EYS: variants seen among roughly 807,000 people sequenced by gnomAD.
EYS encodes EGF-like photoreceptor maintenance factor.
EYS carries 250 observed loss-of-function variants against 282.1 expected under a neutral mutation model. The ratio of observed to expected loss-of-function variants is 0.89; its 90% CI spans 0.80 to 0.98. The LOEUF (loss-of-function observed/expected upper bound fraction) is 0.98. Among genes scored for constraint, EYS ranks in the 50% least tolerant of loss-of-function variants. EYS has a pLI of 0.00. For missense variants in EYS, 4,016 were observed against 3,709.0 expected (o/e 1.08, Z -2.15); for synonymous variants, 1,355 against 1,282.9 (o/e 1.06, Z -1.20).
intron 33 of EYS, among the ~76,000 whole-genome samples, chr6:64,013,512 G>A (rs546212792): frequency 3.9e-5 from 6 of 152,286 alleles, no homozygotes; most frequent in African/African-American, 1.4e-4. Flanking sequence ...TGGGATGCTG[G>A]AGGAGCCTGG....
intron 21 of EYS, among the ~76,000 whole-genome samples, chr6:64,819,226 G>C (rs1048997735): frequency 1.4e-4 from 21 of 152,046 alleles, no homozygotes; most frequent in African/African-American, 5.1e-4. Context: ...AGCTGGTCAG[G>C]TAGGAAATAT....
chr6:64,950,153 T>G (rs139421320), intron 14 of EYS, among the ~76,000 whole-genome samples: 2 of 151,926 alleles, frequency 1.3e-5, no homozygotes, highest in Non-Finnish European at 2.9e-5. Context: ...CAGACTTACA[T>G]GAAGTGGATT....
chr6:64,693,129 T>C (rs1770456114), intron 22 of EYS, among the ~76,000 whole-genome samples: 1 of 151,618 alleles, frequency 6.6e-6, no homozygotes, highest in Admixed American at 6.6e-5. Flanking sequence ...TTAGTTCTAC[T>C]CTAGAAACTA....
intron 12 of EYS, among the ~76,000 whole-genome samples, chr6:65,139,071 TCCCATCACTGATATA>T (rs1764247288): frequency 6.6e-6 from 1 of 151,898 alleles, no homozygotes; most frequent in Non-Finnish European, 1.5e-5. Context: ...AACCCAGAAA[TCCCATCACTGATATA>T]CCCAAATGAA....
chr6:64,104,973 C>A (rs1431379975), intron 31 of EYS, among the ~76,000 whole-genome samples: 2 of 151,244 alleles, frequency 1.3e-5, no homozygotes, highest in Non-Finnish European at 2.9e-5. Context: ...TTCAGTTCAA[C>A]CAATACAGAT....
At chr6:64,857,668 T>C (rs956215148) in intron 19 of EYS, among the ~76,000 whole-genome samples, 1 of 152,204 alleles carries the variant, frequency 6.6e-6, no homozygotes, top group Non-Finnish European at 1.5e-5. Context: ...TTTTAGTTTT[T>C]AGAGGAACCT....
At chr6:65,151,288 G>A (rs1321179027) in intron 12 of EYS, among the ~76,000 whole-genome samples, 1 of 152,010 alleles carries the variant, frequency 6.6e-6, no homozygotes, top group African/African-American at 2.4e-5. Context: ...CATGCAGGAG[G>A]TTATTAGAGA....
At chr6:64,537,696 G>T (rs1245536398) in intron 26 of EYS, among the ~76,000 whole-genome samples, 3 of 151,936 alleles carry the variant, frequency 2.0e-5, no homozygotes, top group East Asian at 1.9e-4. Flanking sequence ...ATGAGTACTT[G>T]GTTGTCCCTA....
At chr6:64,340,363 A>G (rs1227934315) in intron 29 of EYS, among the ~76,000 whole-genome samples, 1 of 151,834 alleles carries the variant, frequency 6.6e-6, no homozygotes, top group African/African-American at 2.4e-5. Context: ...ACACTAGTAC[A>G]AAAACAGACA....
intron 22 of EYS, among the ~76,000 whole-genome samples, chr6:64,757,313 G>C (rs1256460701): frequency 4.6e-5 from 7 of 152,074 alleles, no homozygotes; most frequent in South Asian, 2.1e-4. Context: ...TTTCTTCACT[G>C]CTCCCACACG....
intron 28 of EYS, among the ~76,000 whole-genome samples, chr6:64,391,480 T>A (rs1435787026): frequency 1.3e-5 from 2 of 151,524 alleles, no homozygotes; most frequent in African/African-American, 2.4e-5. Flanking sequence ...TCAACATTCT[T>A]AAAGAAAAGA....
chr6:64,823,337 G>A (rs1764954421), intron 19 of EYS, among the ~76,000 whole-genome samples: 2 of 151,622 alleles, frequency 1.3e-5, no homozygotes, highest in Non-Finnish European at 2.9e-5. Flanking sequence ...CACCTACCAA[G>A]AACCACCTCT....
intron 13 of EYS, among the ~76,000 whole-genome samples, chr6:65,050,651 T>C (rs1306265961): frequency 6.6e-6 from 1 of 151,618 alleles, no homozygotes; most frequent in Non-Finnish European, 1.5e-5. Context: ...AGTATAGCTG[T>C]AGATTGAGTA....
At chr6:64,516,434 C>A (rs146374563) in intron 26 of EYS, among the ~76,000 whole-genome samples, 32 of 151,818 alleles carry the variant, frequency 2.1e-4, no homozygotes, top group African/African-American at 7.2e-4. Context: ...TGCACCTGTA[C>A]CCCTGAACTT....
At chr6:64,648,236 C>A (rs938286226) in intron 22 of EYS, among the ~76,000 whole-genome samples, 3 of 152,140 alleles carry the variant, frequency 2.0e-5, no homozygotes, top group Admixed American at 1.3e-4. Flanking sequence ...TGCCCTCCCC[C>A]TGGTCTTACT....
chr6:64,210,979 C>T (rs913350601), intron 31 of EYS, among the ~76,000 whole-genome samples: 4 of 152,162 alleles, frequency 2.6e-5, no homozygotes, highest in African/African-American at 9.7e-5. Context: ...CTGAGCCTTG[C>T]ACCAATGGCC....
At chr6:64,876,905 T>C (rs1008140463) in intron 19 of EYS, among the ~76,000 whole-genome samples, 1 of 152,100 alleles carries the variant, frequency 6.6e-6, no homozygotes, top group East Asian at 1.9e-4. Flanking sequence ...TGTTCAAGTA[T>C]TTTGGGAAGC....
chr6:64,494,150 C>G (rs1186554436), intron 26 of EYS, among the ~76,000 whole-genome samples: 2 of 151,580 alleles, frequency 1.3e-5, no homozygotes, highest in Non-Finnish European at 3.0e-5. Context: ...GAATATATTT[C>G]TGTCCATGCT....
intron 2 of EYS, among the ~76,000 whole-genome samples, chr6:65,500,662 C>A (rs1452244002): frequency 6.6e-6 from 1 of 152,008 alleles, no homozygotes; most frequent in Admixed American, 6.6e-5. Flanking sequence ...AGATCTCTAG[C>A]TTGAGCACCA....
Sources: gnomAD v4.1 joint callset for allele counts (sites outside exome capture counted in the v4.1 genomes callset) on GRCh38, gnomAD v4.1.1 for gene constraint, MANE v1.5 for transcripts, NCBI Gene and HGNC (gene_info 2026-07-23, HGNC 2026-07-21) for gene names.